COL23A1: variants seen among roughly 807,000 people sequenced by gnomAD.
COL23A1 encodes collagen alpha-1(XXIII) chain.
In COL23A1, 97 loss-of-function variants were observed where a neutral mutation model predicts 99.3. The observed-to-expected ratio is 0.98, with a 90% confidence interval of 0.83 to 1.16. The LOEUF (loss-of-function observed/expected upper bound fraction) is 1.16, where lower values mean the gene tolerates loss of function less well. Among genes scored for constraint, COL23A1 ranks in the 50% most tolerant of loss-of-function variants. The pLI, the probability that COL23A1 is intolerant of heterozygous loss-of-function variation, is 0.00. For missense variants in COL23A1, 762 were observed against 757.4 expected (o/e 1.01, Z -0.07); for synonymous variants, 320 against 308.2 (o/e 1.04, Z -0.40).
At chr5:178,373,341 G>A (rs1215419449) in intron 2 of COL23A1, among the ~76,000 whole-genome samples, 4 of 152,196 alleles carry the variant, frequency 2.6e-5, no homozygotes, top group Admixed American at 6.5e-5. Context: ...TTTGGGTTCC[G>A]CAGAACTGAC....
In COL23A1 at chr5:178,434,259, G is replaced by C. The variant is rs1357509408; in HGVS notation, c.361+126423C>G. On this transcript the variant is annotated intron_variant, in intron 2 of 28. Coordinates refer to ENST00000390654, the MANE Select transcript of COL23A1 (RefSeq NM_173465.4). The surrounding 1 kb of genome is among the most constrained non-coding windows in gnomAD (Gnocchi z 4.3). ...AGGTCACACTGTGGGTCAGTGGCAG[G>C]CTGGGCTTTTCTGCTGGCCTCTGCA... is the stretch of plus-strand genomic sequence containing the variant. Among the ~76,000 whole-genome samples the C allele has an allele frequency of 2.6e-5, 4 of 152,224 alleles. No individual in the cohort carries two copies. The highest frequency in any genetic ancestry group is 4.4e-5 in the Non-Finnish European group (3 of 68,046).
At chr5:178,448,979 A>C (rs1374428918) in intron 2 of COL23A1, among the ~76,000 whole-genome samples, 1 of 151,028 alleles carries the variant, frequency 6.6e-6, no homozygotes. Flanking sequence ...TTTTTAAAAT[A>C]ATTTAAAAAT....
intron 2 of COL23A1, among the ~76,000 whole-genome samples, chr5:178,435,004 C>T (rs976748029): frequency 5.3e-5 from 8 of 152,204 alleles, no homozygotes; most frequent in Non-Finnish European, 1.0e-4. Context: ...CAGCACCGCT[C>T]GCTCGATTTC....
chr5:178,281,662 G>A lies in COL23A1; in HGVS notation c.441+6662C>T, dbSNP rs144747041. Among the ~76,000 whole-genome samples, 432 of 152,244 alleles carry A rather than the reference G, an allele frequency of 2.8e-3. 5 individuals are homozygous for A. Among genetic ancestry groups the A allele is most frequent in the African/African-American group, 1.0e-2 (415 of 41,532 alleles). ...AAATTAGTGCAACCGCCTCCTACCC[G>A]CACCCCTTCCTCCAGTTTCTGCCCT... On this transcript the variant is annotated intron_variant, in intron 5 of 28. Coordinates refer to ENST00000390654, the MANE Select transcript of COL23A1 (RefSeq NM_173465.4). The surrounding 1 kb of genome is among the most constrained non-coding windows in gnomAD (Gnocchi z 4.0).
At chr5:178,373,069 T>C (rs1219249845) in intron 2 of COL23A1, among the ~76,000 whole-genome samples, 1 of 151,424 alleles carries the variant, frequency 6.6e-6, no homozygotes, top group Non-Finnish European at 1.5e-5. Flanking sequence ...CAGCTTCAGA[T>C]TTCTGAGAAG....
At chr5:178,252,130 G>A (rs1380708424) in intron 17 of COL23A1, among the ~76,000 whole-genome samples, 2 of 151,952 alleles carry the variant, frequency 1.3e-5, no homozygotes, top group African/African-American at 4.8e-5. Context: ...GGCCAGGCTG[G>A]TCTCAAACTC....
chr5:178,581,570 A>G (rs938317237), intron 1 of COL23A1, among the ~76,000 whole-genome samples: 2 of 143,148 alleles, frequency 1.4e-5, no homozygotes, highest in African/African-American at 6.0e-5. Context: ...CGTCTCAAAA[A>G]AAAAAAAAAA....
Position 178,485,246 on chromosome 5 carries a change from C to T in COL23A1, c.361+75436G>A, listed in dbSNP as rs10060345. On this transcript the variant is annotated intron_variant, in intron 2 of 28. Coordinates refer to ENST00000390654, the MANE Select transcript of COL23A1 (RefSeq NM_173465.4). ...CCAGCACTTTGGGAGGCCAGGAGGG[C>T]GGATCATTTGAGCTCAGGAGTTCGA... Among the ~76,000 whole-genome samples the T allele has an allele frequency of 9.4e-3, 1,395 of 148,182 alleles. 23 individuals are homozygous for T. The highest frequency in any genetic ancestry group is 0.033 in the African/African-American group (1,315 of 39,980).
chr5:178,358,493 GTA>G (rs1313918938), intron 2 of COL23A1, among the ~76,000 whole-genome samples: 3 of 143,128 alleles, frequency 2.1e-5, no homozygotes, highest in South Asian at 2.2e-4. Flanking sequence ...ATATGTGTGT[GTA>G]TGCGTGTATA....
intron 2 of COL23A1, among the ~76,000 whole-genome samples, chr5:178,419,379 C>T (rs1487114074): frequency 6.6e-6 from 1 of 152,218 alleles, no homozygotes; most frequent in Admixed American, 6.5e-5. Flanking sequence ...CCTTCTCTCC[C>T]ATGCAAAGCT....
chr5:178,527,903 C>T (rs1581571961), intron 2 of COL23A1, among the ~76,000 whole-genome samples: 1 of 152,236 alleles, frequency 6.6e-6, no homozygotes, highest in East Asian at 1.9e-4. Flanking sequence ...GATTTCTTGG[C>T]ATGAAATAGC....
chr5:178,504,506 G>T (rs1325616566), intron 2 of COL23A1, among the ~76,000 whole-genome samples: 1 of 152,180 alleles, frequency 6.6e-6, no homozygotes, highest in Non-Finnish European at 1.5e-5. Flanking sequence ...CTGCGTCCTA[G>T]CCAGAGAGCA....
chr5:178,350,121 C>T (rs1351016686), intron 2 of COL23A1, among the ~76,000 whole-genome samples: 2 of 152,194 alleles, frequency 1.3e-5, no homozygotes, highest in South Asian at 2.1e-4. Flanking sequence ...TCTTCCCCTG[C>T]CTACAATTAC....
At chr5:178,402,454 C>T (rs180727791) in intron 2 of COL23A1, among the ~76,000 whole-genome samples, 1 of 151,434 alleles carries the variant, frequency 6.6e-6, no homozygotes, top group Admixed American at 6.6e-5. Flanking sequence ...TTAATGGGCA[C>T]AAAGAGACAG....
Position 178,249,152 on chromosome 5 carries a change from CTT to C in COL23A1, c.1112_1113del (p.Lys371ArgfsTer15). The C allele has an allele frequency of 6.2e-7, 1 of 1,614,190 alleles. No homozygotes were observed. The highest frequency in any genetic ancestry group is 8.5e-7 in the Non-Finnish European group (1 of 1,179,984). On this transcript the variant is annotated frameshift_variant, in exon 19 of 29. Transcript: ENST00000390654. LOFTEE classifies it high-confidence loss of function. ...GACAAGCCCATCTCGCCTGCTTCCCCTTTGAGTCCTGCTGGCCCAGGCTCTCC... is the reference window on the plus strand; with the variant it reads ...GACAAGCCCATCTCGCCTGCTTCCCCTGAGTCCTGCTGGCCCAGGCTCTCC... ...DPGEPGPAGL[K>X]GEAGEMGLSG...
rs558444392 is a variant in COL23A1, at chr5:178,589,756, G to A, written c.294+148C>T. 8 of 786,770 alleles carry A rather than the reference G, an allele frequency of 1.0e-5. No homozygotes were observed. Among genetic ancestry groups the A allele is most frequent in the Middle Eastern group, 4.4e-4 (1 of 2,272 alleles). The allele number at this position is 786,770 out of a possible 1,614,324, so 48.7% of individuals were successfully genotyped here. On this transcript the variant is annotated intron_variant, in intron 1 of 28. Transcript: ENST00000390654. The surrounding 1 kb of genome is among the most constrained non-coding windows in gnomAD (Gnocchi z 5.4). ...CCCCTGCCTCCGCCTTGGCGCAGAC[G>A]TGCCCATCTCTGGGACGGCCCCGAG...
chr5:178,530,917 GAGT>G (rs139333649), intron 2 of COL23A1, among the ~76,000 whole-genome samples: 6,394 of 152,258 alleles, frequency 0.042, 156 homozygotes, highest in Middle Eastern at 0.078. Flanking sequence ...GCCCAGGCTG[GAGT>G]ACAGTGGTGC....
In COL23A1 at chr5:178,479,974, G is replaced by A. The variant is rs150642595; in HGVS notation, c.361+80708C>T. Among the ~76,000 whole-genome samples the A allele has an allele frequency of 2.3e-4, 35 of 152,220 alleles. 1 individual carries two copies. The East Asian group carries it at 6.6e-3, about 29-fold the overall frequency. The stretch of plus-strand genomic sequence containing the variant: ...TCCTGGCTACAAACCTGTACAGCCT[G>A]TTACTGTGCTGAGTACCATAGGCAA... On this transcript the variant is annotated intron_variant, in intron 2 of 28. Transcript: ENST00000390654.
intron 8 of COL23A1, 79 bp downstream of exon 8, chr5:178,267,228 A>G: frequency 6.7e-7 from 1 of 1,488,032 alleles, no homozygotes; most frequent in Non-Finnish European, 9.4e-7. Context: ...GCTGGGACCC[A>G]GAAGCAGCGC....
Sources: allele counts gnomAD v4.1 joint callset (sites outside exome capture counted in the v4.1 genomes callset), GRCh38; gene constraint gnomAD v4.1.1; non-coding constraint Gnocchi (gnomAD v3.1); transcripts MANE v1.5; gene names NCBI Gene and HGNC (gene_info 2026-07-23, HGNC 2026-07-21).